REPS1: variants seen among roughly 807,000 people sequenced by gnomAD.
The protein encoded by REPS1 is ralBP1-associated Eps domain-containing protein 1.
Under a neutral mutation model 100.9 loss-of-function variants are expected in REPS1, and 39 were observed. The observed-to-expected ratio is 0.39, with a 90% CI of 0.30 to 0.50. The LOEUF (loss-of-function observed/expected upper bound fraction) is 0.50. Ranked by LOEUF, REPS1 falls within the 20% of genes least tolerant of loss-of-function variation. REPS1 has a pLI of 0.86. For missense variants in REPS1, 821 were observed against 968.5 expected (o/e 0.85, Z 2.02); for synonymous variants, 324 against 340.3 (o/e 0.95, Z 0.53).
chr6:138,916,520 T>C (rs1037438370), intron 13 of REPS1, among the ~76,000 whole-genome samples: 10 of 152,090 alleles, frequency 6.6e-5, no homozygotes, highest in Admixed American at 1.3e-4. Context: ...CTCAAAAATT[T>C]TGAAAAGAAA....
At chr6:138,907,459 A>G in intron 19 of REPS1, 36 bp downstream of exon 19, 1 of 1,441,930 alleles carries the variant, frequency 6.9e-7, no homozygotes, top group Non-Finnish European at 9.8e-7. Context: ...CTTTACTAAG[A>G]TAAGGAACAT....
chr6:138,927,385 G>C (rs1781204637), intron 9 of REPS1: 3 of 152,098 alleles, frequency 2.0e-5, no homozygotes, highest in South Asian at 4.2e-4. Context: ...TAATAAAATG[G>C]TATAGAATTT....
At chr6:138,913,619 A>C (rs748998871) in intron 15 of REPS1, among the ~76,000 whole-genome samples, 2 of 152,236 alleles carry the variant, frequency 1.3e-5, no homozygotes, top group Non-Finnish European at 2.9e-5. Flanking sequence ...AAGGAAGTAA[A>C]GGATACTAAA....
intron 9 of REPS1, chr6:138,927,871 A>G (rs1034610888): frequency 1.3e-5 from 2 of 152,218 alleles, no homozygotes; most frequent in Non-Finnish European, 2.9e-5. Context: ...CTCAATAATT[A>G]TTGTTACAGG....
At chr6:138,984,575 C>CA (rs150666638) in intron 1 of REPS1, among the ~76,000 whole-genome samples, 13,353 of 152,204 alleles carry the variant, frequency 0.088, 1,233 homozygotes, top group African/African-American at 0.23. Context: ...TTATGACAAT[C>CA]AAAATGTCTC....
intron 1 of REPS1, among the ~76,000 whole-genome samples, chr6:138,974,249 A>G (rs1389686340): frequency 6.6e-6 from 1 of 152,228 alleles, no homozygotes; most frequent in African/African-American, 2.4e-5. Flanking sequence ...AAATCTGTCT[A>G]CAAACCTTCA....
intron 8 of REPS1, among the ~76,000 whole-genome samples, chr6:138,935,412 T>C (rs1051406298): frequency 2.6e-5 from 4 of 152,180 alleles, no homozygotes; most frequent in African/African-American, 9.7e-5. Flanking sequence ...GTTCCTATTA[T>C]CCAAAGATAG....
At chr6:138,925,320 T>C (rs903820854) in intron 10 of REPS1, among the ~76,000 whole-genome samples, 12 of 151,940 alleles carry the variant, frequency 7.9e-5, no homozygotes, top group African/African-American at 2.9e-4. Flanking sequence ...TGAGCTGAGA[T>C]CGCACCACTG....
intron 17 of REPS1, among the ~76,000 whole-genome samples, chr6:138,910,432 C>T (rs140328562): frequency 0.01 from 1,580 of 152,146 alleles, 21 homozygotes; most frequent in African/African-American, 0.036. Context: ...CAGCTCACAG[C>T]AACCTCCACC....
intron 15 of REPS1, among the ~76,000 whole-genome samples, chr6:138,914,179 C>G (rs576942386): frequency 6.6e-6 from 1 of 152,158 alleles, no homozygotes; most frequent in Non-Finnish European, 1.5e-5. Context: ...AAGAGATCCT[C>G]CCACCTCAGC....
At chr6:138,974,788 C>T (rs1784509916) in intron 1 of REPS1, among the ~76,000 whole-genome samples, 1 of 152,118 alleles carries the variant, frequency 6.6e-6, no homozygotes, top group African/African-American at 2.4e-5. Flanking sequence ...TGGTTCACGC[C>T]TGTAATCCTT....
chr6:138,954,502 T>TAAAA (rs34061496), intron 1 of REPS1, among the ~76,000 whole-genome samples: 1 of 134,674 alleles, frequency 7.4e-6, no homozygotes, highest in African/African-American at 2.7e-5. Context: ...ATGATGAGCT[T>TAAAA]AAAAAAAAAA....
intron 1 of REPS1, among the ~76,000 whole-genome samples, chr6:138,979,198 C>CAAAAAAAAA (rs1277794755): frequency 3.3e-5 from 3 of 91,796 alleles, no homozygotes; most frequent in Non-Finnish European, 6.0e-5. Flanking sequence ...AAAAAAAAAA[C>CAAAAAAAAA]AAAAAAAAAA....
At position 138,987,726 on chromosome 6, in the gene REPS1, C is replaced by A. The variant is rs1290979077; in HGVS notation, c.-44G>T. On this transcript the variant is annotated 5_prime_UTR_variant, in exon 1 of 20. Coordinates refer to ENST00000450536, the MANE Select transcript of REPS1 (RefSeq NM_001286611.2). ...GCCGCCCCGCCCCGCATGCACTACTCGGGGCCCGGCCCCAGGAACCTGGGC... is the reference window on the plus strand; with the variant it reads ...GCCGCCCCGCCCCGCATGCACTACTAGGGGCCCGGCCCCAGGAACCTGGGC... 10 of 1,479,172 alleles carry A rather than the reference C, an allele frequency of 6.8e-6. No individual in the cohort carries two copies. Among genetic ancestry groups the A allele is most frequent in the Non-Finnish European group, 9.0e-6 (10 of 1,111,226 alleles). The allele number at this position is 1,479,172 out of a possible 1,614,324, so 91.6% of individuals were successfully genotyped here. A position where few individuals can be genotyped will look rare whatever the true frequency, so the allele number is the denominator to read the frequency against.
At chr6:138,953,905 G>C (rs1783203847) in intron 1 of REPS1, among the ~76,000 whole-genome samples, 1 of 152,048 alleles carries the variant, frequency 6.6e-6, no homozygotes, top group Non-Finnish European at 1.5e-5. Context: ...GTTTACTGTG[G>C]TACTATTCAC....
chr6:138,959,121 A>G (rs1454776031), intron 1 of REPS1, among the ~76,000 whole-genome samples: 1 of 152,178 alleles, frequency 6.6e-6, no homozygotes, highest in Admixed American at 6.6e-5. Flanking sequence ...CAGCTTCCTC[A>G]GGGCAAGTAC....
intron 1 of REPS1, among the ~76,000 whole-genome samples, chr6:138,973,465 GTTTA>G (rs1429208111): frequency 6.6e-6 from 1 of 151,628 alleles, no homozygotes; most frequent in Non-Finnish European, 1.5e-5. Context: ...AATACAGTAA[GTTTA>G]ATAAAACCTC....
rs540096225 is a variant in REPS1, at chr6:138,963,139, A to C, written c.154-15226T>G. 2.8e-3 allele frequency among the ~76,000 whole-genome samples: 424 copies of C among 152,156 alleles called. 1 individual carries two copies. The highest frequency in any genetic ancestry group is 8.6e-3 in the African/African-American group (355 of 41,504). ...ACTAACTAACTAACTAACTAAATAA[A>C]TAAATAAATAATAAAATTACACCCT... On this transcript the variant is annotated intron_variant, in intron 1 of 19. Transcript: ENST00000450536.
chr6:138,973,454 A>T (rs1161901743), intron 1 of REPS1, among the ~76,000 whole-genome samples: 2 of 152,072 alleles, frequency 1.3e-5, no homozygotes, highest in Non-Finnish European at 2.9e-5. Flanking sequence ...TCCCAAGAAA[A>T]AATACAGTAA....
Sources: gnomAD v4.1 joint callset for allele counts (sites outside exome capture counted in the v4.1 genomes callset) on GRCh38, gnomAD v4.1.1 for gene constraint, MANE v1.5 for transcripts, NCBI Gene and HGNC (gene_info 2026-07-23, HGNC 2026-07-21) for gene names.